ROBO1: variants seen among roughly 807,000 people sequenced by gnomAD.
The protein encoded by ROBO1 is roundabout guidance receptor 1.
Under a neutral mutation model 195.9 loss-of-function variants are expected in ROBO1, and 149 were observed. The ratio of observed to expected loss-of-function variants is 0.76; its 90% CI spans 0.67 to 0.87. The LOEUF (loss-of-function observed/expected upper bound fraction) is 0.87. Among genes scored for constraint, ROBO1 ranks in the 40% least tolerant of loss-of-function variants. The pLI, the probability that ROBO1 is intolerant of heterozygous loss-of-function variation, is 0.00. For missense variants in ROBO1, 1,933 were observed against 2,068.3 expected (o/e 0.93, Z 1.27); for synonymous variants, 816 against 733.2 (o/e 1.11, Z -1.82).
chr3:78,599,253 T>TTAAA (rs966665618), intron 30 of ROBO1, among the ~76,000 whole-genome samples: 1 of 152,152 alleles, frequency 6.6e-6, no homozygotes, highest in African/African-American at 2.4e-5. Flanking sequence ...TTTGTTGGTT[T>TTAAA]TAAATACTGG....
At chr3:79,731,367 T>A (rs1452111927) in intron 1 of ROBO1, among the ~76,000 whole-genome samples, 1 of 152,096 alleles carries the variant, frequency 6.6e-6, no homozygotes, top group African/African-American at 2.4e-5. Flanking sequence ...GTAAAGTATG[T>A]CCCTGAGCTC....
intron 3 of ROBO1, among the ~76,000 whole-genome samples, chr3:79,079,210 C>A (rs2079227026): frequency 6.6e-6 from 1 of 151,718 alleles, no homozygotes; most frequent in African/African-American, 2.4e-5. Flanking sequence ...GAAGCTTATT[C>A]AGACTTTTAA....
At chr3:78,812,276 C>G (rs1310286487) in intron 4 of ROBO1, among the ~76,000 whole-genome samples, 1 of 152,108 alleles carries the variant, frequency 6.6e-6, no homozygotes, top group East Asian at 1.9e-4. Flanking sequence ...CTTCAAGACT[C>G]GGTCTATGTC....
At chr3:79,052,318 G>A (rs1023372504) in intron 3 of ROBO1, among the ~76,000 whole-genome samples, 11 of 152,052 alleles carry the variant, frequency 7.2e-5, no homozygotes, top group Admixed American at 6.6e-5. Context: ...GGAAATTCCA[G>A]CCTGGTGAAA....
chr3:78,840,515 T>C (rs2033106806), intron 4 of ROBO1, among the ~76,000 whole-genome samples: 1 of 152,212 alleles, frequency 6.6e-6, no homozygotes, highest in Non-Finnish European at 1.5e-5. Flanking sequence ...AGTACTCATA[T>C]TCACATTTTA....
At chr3:79,498,349 TTACGGTAGGCACTTAAAAC>T (rs1939862630) in intron 2 of ROBO1, among the ~76,000 whole-genome samples, 1 of 152,158 alleles carries the variant, frequency 6.6e-6, no homozygotes, top group Admixed American at 6.5e-5. Context: ...TATATTCTAT[TTACGGTAGGCACTTAAAAC>T]TATGTTATTA....
intron 5 of ROBO1, among the ~76,000 whole-genome samples, chr3:78,744,422 G>C (rs1385152217): frequency 6.6e-6 from 1 of 152,136 alleles, no homozygotes; most frequent in African/African-American, 2.4e-5. Context: ...GTTCTCAAGA[G>C]AGCAGAGGCT....
chr3:79,093,604 C>A (rs1366617225), intron 3 of ROBO1, among the ~76,000 whole-genome samples: 1 of 152,082 alleles, frequency 6.6e-6, no homozygotes, highest in African/African-American at 2.4e-5. Context: ...GATACTCCTA[C>A]TACCATGCCC....
chr3:79,749,071 G>A (rs1350283714), intron 1 of ROBO1, among the ~76,000 whole-genome samples: 2 of 152,182 alleles, frequency 1.3e-5, no homozygotes, highest in African/African-American at 4.8e-5. Flanking sequence ...CTAGAGACTT[G>A]TTGAATGGCT....
intron 2 of ROBO1, among the ~76,000 whole-genome samples, chr3:79,379,482 A>G (rs565397052): frequency 6.6e-6 from 1 of 152,316 alleles, no homozygotes; most frequent in South Asian, 2.1e-4. Context: ...CAGAACCAGA[A>G]TGAAAAGGTA....
At chr3:79,433,323 T>C (rs546598535) in intron 2 of ROBO1, among the ~76,000 whole-genome samples, 1 of 152,334 alleles carries the variant, frequency 6.6e-6, no homozygotes, top group African/African-American at 2.4e-5. Flanking sequence ...AATAATGGCA[T>C]CCAGCTCCAT....
chr3:79,535,244 A>T (rs1334539894), intron 2 of ROBO1, among the ~76,000 whole-genome samples: 2 of 152,202 alleles, frequency 1.3e-5, no homozygotes, highest in African/African-American at 4.8e-5. Context: ...ATGTTCACAC[A>T]CATGAATTGG....
intron 1 of ROBO1, among the ~76,000 whole-genome samples, chr3:79,747,854 T>A (rs1703941915): frequency 6.6e-6 from 1 of 151,624 alleles, no homozygotes; most frequent in South Asian, 2.1e-4. Flanking sequence ...ATAGGATAAA[T>A]GATCAAATAA....
chr3:79,239,938 T>G (rs963220602), intron 2 of ROBO1, among the ~76,000 whole-genome samples: 1 of 152,170 alleles, frequency 6.6e-6, no homozygotes, highest in Admixed American at 6.6e-5. Context: ...TGCAACATGA[T>G]GTTTTGGTAT....
intron 2 of ROBO1, among the ~76,000 whole-genome samples, chr3:79,199,441 G>A (rs2081717834): frequency 6.6e-6 from 1 of 151,668 alleles, no homozygotes; most frequent in South Asian, 2.1e-4. Context: ...CCTTAATACT[G>A]CTAAAATGGC....
intron 8 of ROBO1, among the ~76,000 whole-genome samples, chr3:78,702,503 T>A (rs1483825218): frequency 6.6e-6 from 1 of 152,218 alleles, no homozygotes; most frequent in Non-Finnish European, 1.5e-5. Flanking sequence ...TCACATTGAA[T>A]GATACTAACT....
At chr3:79,270,496 A>G (rs771217161) in intron 2 of ROBO1, among the ~76,000 whole-genome samples, 2 of 151,694 alleles carry the variant, frequency 1.3e-5, no homozygotes, top group Non-Finnish European at 3.0e-5. Flanking sequence ...AAATTTATGC[A>G]TGCCCTAGCT....
chr3:79,215,115 G>A (rs2082032620), intron 2 of ROBO1, among the ~76,000 whole-genome samples: 1 of 152,066 alleles, frequency 6.6e-6, no homozygotes, highest in Non-Finnish European at 1.5e-5. Context: ...GTGGGTCATT[G>A]AGTGCTAATG....
chr3:79,482,053 A>G (rs953190826), intron 2 of ROBO1, among the ~76,000 whole-genome samples: 2 of 152,160 alleles, frequency 1.3e-5, no homozygotes, highest in African/African-American at 4.8e-5. Context: ...ATAGTTGGGA[A>G]TTATTCATAC....
Sources: allele counts gnomAD v4.1 joint callset (sites outside exome capture counted in the v4.1 genomes callset), GRCh38; gene constraint gnomAD v4.1.1; transcripts MANE v1.5; gene names NCBI Gene and HGNC (gene_info 2026-07-23, HGNC 2026-07-21).